HSPA4L: variants seen among roughly 807,000 people sequenced by gnomAD.
HSPA4L encodes the protein heat shock 70 kDa protein 4L.
In HSPA4L, 48 loss-of-function variants were observed where a neutral mutation model predicts 100.3. The ratio of observed to expected loss-of-function variants is 0.48; its 90% CI spans 0.38 to 0.61. HSPA4L has a LOEUF of 0.61. HSPA4L is among the 20% of genes least tolerant of loss of function. The pLI is 0.00. For synonymous variants in HSPA4L, 319 were observed against 328.2 expected, an observed-to-expected ratio of 0.97 and a Z score of 0.30; for missense variants, 886 against 988.6, an observed-to-expected ratio of 0.90 and a Z score of 1.39.
At chr4:127,823,843 TG>T (rs528126895) in intron 16 of HSPA4L, among the ~76,000 whole-genome samples, 1 of 152,126 alleles carries the variant, frequency 6.6e-6, no homozygotes, top group Non-Finnish European at 1.5e-5. Context: ...TTTCTTTCTT[TG>T]GGGGGGAGAA....
Position 127,808,060 on chromosome 4 carries a change from A to C in HSPA4L, c.1309A>C (p.Lys437Gln), listed in dbSNP as rs1404967631. Residue 437 changes from lysine to glutamine, a missense_variant, in exon 11 of 19, where the codon AAG becomes CAG. Physicochemically the swap from Lys to Gln is moderately conservative, Grantham distance 53. Coordinates refer to ENST00000296464, the MANE Select transcript of HSPA4L (RefSeq NM_014278.4). ...PFSKVITFHK[K>Q]EPFELEAFYT... is the part of the protein sequence containing the mutation. ...CTCAAAAGTCATTACTTTCCACAAG[A>C]AGGAACCATTTGAACTAGAAGCATT... The C allele has an allele frequency of 3.1e-6, 5 of 1,612,822 alleles. No homozygotes were observed. The highest frequency in any genetic ancestry group is 4.2e-6 in the Non-Finnish European group (5 of 1,179,116).
intron 13 of HSPA4L, among the ~76,000 whole-genome samples, chr4:127,820,037 T>C (rs2148795939): frequency 6.6e-6 from 1 of 152,272 alleles, no homozygotes; most frequent in East Asian, 1.9e-4. Context: ...ATTGTTTTGT[T>C]AAGATTGTCA....
At chr4:127,826,000 A>G (rs371421221) in intron 16 of HSPA4L, among the ~76,000 whole-genome samples, 4 of 152,110 alleles carry the variant, frequency 2.6e-5, no homozygotes, top group Admixed American at 1.3e-4. Flanking sequence ...TGGAAATCCC[A>G]GCAGTTCCTA....
Position 127,827,331 on chromosome 4 carries a change from G to A in HSPA4L, c.2073G>A (p.Lys691=), listed in dbSNP as rs1401301013. The part of the protein sequence containing the change: ...LKKYGQPIQM[K]YMEHEERPKA... ...AATACGGCCAGCCTATTCAAATGAA[G>A]TACATGGAGCATGAAGAGAGACCAA... The change falls in exon 17 of 19, where the codon AAG becomes AAA. Residue 691 remains lysine, a synonymous_variant. Transcript: ENST00000296464. The A allele has an allele frequency of 2.5e-6, 4 of 1,613,450 alleles. No homozygotes were observed. The highest frequency in any genetic ancestry group is 1.7e-5 in the Admixed American group (1 of 59,988).
intron 18 of HSPA4L, 125 bp downstream of exon 18, chr4:127,830,924 AT>A: frequency 1.7e-6 from 1 of 603,630 alleles, no homozygotes; most frequent in Non-Finnish European, 2.6e-6. Context: ...CTAATTTTTT[AT>A]TTAGTTAAAA....
Position 127,832,795 on chromosome 4 carries a change from G to C in HSPA4L, c.2441G>C (p.Ser814Thr). ...CACAATGGCCCAATGGATGGACAGA[G>C]TGGAACTGAAACTAAATCAGATTCA... ...SEHNGPMDGQ[S>T]GTETKSDSTK... The change falls in exon 19 of 19, where the codon AGT (serine) becomes ACT (threonine). Residue 814 changes from serine to threonine, a missense_variant. Transcript: ENST00000296464. 1 of 1,613,674 alleles carries C rather than the reference G, an allele frequency of 6.2e-7. No homozygotes were observed. The highest frequency in any genetic ancestry group is 8.5e-7 in the Non-Finnish European group (1 of 1,179,770).
At chr4:127,786,419 G>A (rs536589221) in intron 1 of HSPA4L, among the ~76,000 whole-genome samples, 20 of 152,256 alleles carry the variant, frequency 1.3e-4, no homozygotes, top group African/African-American at 4.8e-4. Context: ...TCTAATTTTA[G>A]CTAGTTTTTA....
intron 11 of HSPA4L, chr4:127,809,120 G>C: frequency 1.5e-6 from 1 of 665,488 alleles, no homozygotes. Context: ...CCAGGTGATT[G>C]TGAAGTGCTC....
chr4:127,829,489 T>C (rs1016094761), intron 17 of HSPA4L, among the ~76,000 whole-genome samples: 1 of 151,990 alleles, frequency 6.6e-6, no homozygotes, highest in Middle Eastern at 3.4e-3. Context: ...GATGGTAGGG[T>C]TGGGGAGCCA....
rs1290671910 is a variant in HSPA4L at position 127,798,705 on chromosome 4, T to C, written c.425T>C (p.Ile142Thr). Residue 142 changes from isoleucine to threonine, a missense_variant, in exon 4 of 19, where the codon ATT (isoleucine) becomes ACT (threonine). Transcript: ENST00000296464. ...ALKKPVADCV[I>T]SIPSFFTDAE... Reference sequence around the variant, plus strand: ...AAGAAACCAGTGGCTGACTGTGTGATTTCAGTAAGTTTTACTTCAGTAATG... The same window carrying C: ...AAGAAACCAGTGGCTGACTGTGTGACTTCAGTAAGTTTTACTTCAGTAATG... The C allele has an allele frequency of 6.2e-6, 10 of 1,613,336 alleles. No homozygotes were observed. The highest frequency in any genetic ancestry group is 8.5e-6 in the Non-Finnish European group (10 of 1,179,578).
chr4:127,783,377 C>G (rs569619921), intron 1 of HSPA4L: 7 of 419,168 alleles, frequency 1.7e-5, no homozygotes, highest in Non-Finnish European at 2.2e-5. Flanking sequence ...GGGGTTGGGT[C>G]GGACCAAAAG....
At chr4:127,810,952 C>T (rs1194967868) in intron 11 of HSPA4L, among the ~76,000 whole-genome samples, 1 of 151,960 alleles carries the variant, frequency 6.6e-6, no homozygotes, top group African/African-American at 2.4e-5. Flanking sequence ...TTTCTTAAAG[C>T]ATTGATAATG....
chr4:127,802,218 C>G (rs573669958), intron 6 of HSPA4L, among the ~76,000 whole-genome samples: 100 of 152,234 alleles, frequency 6.6e-4, no homozygotes, highest in Non-Finnish European at 1.3e-3. Context: ...GTTAAGTCAT[C>G]TATCAGGAAG....
chr4:127,800,962 A>G (rs1190895471), intron 4 of HSPA4L, among the ~76,000 whole-genome samples, 176 bp from the exon 5 acceptor site: 1 of 152,200 alleles, frequency 6.6e-6, no homozygotes, highest in African/African-American at 2.4e-5. Context: ...TTTAGGTCAG[A>G]TTTTTATGGT....
Position 127,782,665 on chromosome 4 carries a change from C to T in HSPA4L, c.107+8C>T, listed in dbSNP as rs776396260. 6.3e-7 allele frequency: 1 copy of T among 1,591,066 alleles called. No homozygotes were observed. The highest frequency in any genetic ancestry group is 1.7e-5 in the Admixed American group (1 of 59,104). ...CAGCGACAGGTGTACCCCGTAAGTGCCTCTGCTGAGCATCACCTCGACCCT... is the reference window on the plus strand; with the variant it reads ...CAGCGACAGGTGTACCCCGTAAGTGTCTCTGCTGAGCATCACCTCGACCCT... On this transcript the variant is annotated splice_region_variant and intron_variant, in intron 1 of 18. Coordinates refer to ENST00000296464, the MANE Select transcript of HSPA4L (RefSeq NM_014278.4).
At chr4:127,792,216 T>A (rs1732897346) in intron 1 of HSPA4L, among the ~76,000 whole-genome samples, 1 of 152,190 alleles carries the variant, frequency 6.6e-6, no homozygotes, top group Non-Finnish European at 1.5e-5. Flanking sequence ...AATTTTAAGA[T>A]TATAATCTGG....
intron 2 of HSPA4L, 90 bp downstream of exon 2, chr4:127,794,224 A>G: frequency 1.0e-6 from 1 of 971,474 alleles, no homozygotes; most frequent in Admixed American, 2.0e-5. Context: ...TTAAGAGTGA[A>G]TAAGAGAGTG....
At chr4:127,797,455 C>A (rs1230011578) in intron 3 of HSPA4L, among the ~76,000 whole-genome samples, 1 of 151,986 alleles carries the variant, frequency 6.6e-6, no homozygotes, top group Non-Finnish European at 1.5e-5. Flanking sequence ...TTTATACATT[C>A]ATAGTAAGTG....
At chr4:127,815,374 G>A (rs1055177265) in intron 12 of HSPA4L, among the ~76,000 whole-genome samples, 2 of 151,732 alleles carry the variant, frequency 1.3e-5, no homozygotes, top group African/African-American at 4.8e-5. Flanking sequence ...ATCAGGCTCC[G>A]GGTACTTACT....
Sources: gnomAD v4.1 joint callset for allele counts (sites outside exome capture counted in the v4.1 genomes callset) on GRCh38, gnomAD v4.1.1 for gene constraint, MANE v1.5 for transcripts, NCBI Gene and HGNC (gene_info 2026-07-23, HGNC 2026-07-21) for gene names.